COG7: variants seen among roughly 807,000 people sequenced by gnomAD.
COG7 encodes the protein conserved oligomeric Golgi complex subunit 7.
A neutral mutation model predicts 91.5 loss-of-function variants in COG7; 49 were observed. That is an observed-to-expected ratio of 0.54 (90% CI 0.43 to 0.68). The LOEUF is 0.68. Among genes scored for constraint, COG7 ranks in the 30% least tolerant of loss-of-function variants. The probability of loss-of-function intolerance (pLI) is 0.00; values close to 1 mark genes in which losing one functional copy is unlikely to be tolerated. For missense variants in COG7, 895 were observed against 961.3 expected, an observed-to-expected ratio of 0.93 and a Z score of 0.91; for synonymous variants, 365 against 388.7, an observed-to-expected ratio of 0.94 and a Z score of 0.72.
chr16:23,424,634 TCCCTTCCA>T, intron 7 of COG7, 107 bp downstream of exon 7: 1 of 1,080,270 alleles, frequency 9.3e-7, no homozygotes, highest in Non-Finnish European at 1.4e-6. Flanking sequence ...AAAACACCGA[TCCCTTCCA>T]TTTCTGTAAA....
intron 1 of COG7, chr16:23,446,684 T>A (rs1454545254): frequency 6.6e-6 from 1 of 152,394 alleles, no homozygotes; most frequent in African/African-American, 2.4e-5. Flanking sequence ...ACCCCTGACC[T>A]CAGGTGATCC....
intron 4 of COG7, 102 bp downstream of exon 4, chr16:23,442,375 A>T: frequency 9.4e-7 from 1 of 1,062,286 alleles, no homozygotes. Flanking sequence ...CTTCTAATCT[A>T]TGTAATTCAA....
intron 16 of COG7, among the ~76,000 whole-genome samples, chr16:23,389,374 C>T (rs981276841): frequency 3.3e-5 from 5 of 152,018 alleles, no homozygotes; most frequent in South Asian, 4.2e-4. Context: ...TGCACACACA[C>T]GCACACACAC....
chr16:23,431,476 G>C (rs1160336509), intron 6 of COG7, among the ~76,000 whole-genome samples: 1 of 152,184 alleles, frequency 6.6e-6, no homozygotes, highest in Non-Finnish European at 1.5e-5. Context: ...TTTTATCCTT[G>C]TGATACAAGA....
chr16:23,425,073 G>A (rs1484225662), intron 6 of COG7, 126 bp from the exon 7 acceptor site: 4 of 786,490 alleles, frequency 5.1e-6, no homozygotes, highest in South Asian at 3.2e-5. Flanking sequence ...ACCTTGGGAG[G>A]CCAAGGAAGG....
intron 13 of COG7, 99 bp downstream of exon 13, chr16:23,403,595 C>T (rs980037149): frequency 6.7e-7 from 1 of 1,489,606 alleles, no homozygotes; most frequent in Non-Finnish European, 9.3e-7. Flanking sequence ...GCGGGATCTT[C>T]CCAAAGCTCT....
Position 23,403,790 on chromosome 16 carries a change from T to G in COG7, c.1707A>C (p.Ala569=). 1 of 1,614,244 alleles carries G rather than the reference T, an allele frequency of 6.2e-7. No homozygotes were observed. The highest frequency in any genetic ancestry group is 8.5e-7 in the Non-Finnish European group (1 of 1,180,042). ...SNHNLLAAPR[A]ALTRLNQQAH... The stretch of plus-strand genomic sequence containing the variant: ...CCTGCTGGTTAAGCCGAGTCAGCGC[T>G]GCTCGAGGTGCAGCCAGCAGGTTGT... Residue 569 remains alanine, a synonymous_variant, in exon 13 of 17, where the codon GCA becomes GCC. Transcript: ENST00000307149.
chr16:23,427,085 C>T (rs1963860961), intron 6 of COG7, among the ~76,000 whole-genome samples: 2 of 152,034 alleles, frequency 1.3e-5, no homozygotes, highest in South Asian at 2.1e-4. Context: ...CCTGTCTCTA[C>T]AAAAAATGTT....
At chr16:23,393,642 G>A in intron 14 of COG7, 1 of 414,912 alleles carries the variant, frequency 2.4e-6, no homozygotes, top group Non-Finnish European at 4.5e-6. Flanking sequence ...AAAATGCTTT[G>A]TAAAATTTGA....
chr16:23,392,077 A>G, intron 16 of COG7: 1 of 1,295,742 alleles, frequency 7.7e-7, no homozygotes, highest in Non-Finnish European at 9.9e-7. Context: ...TTATGGCACA[A>G]ATGGAGCGGG....
Position 23,413,526 on chromosome 16 carries a change from C to T in COG7, c.1331G>A (p.Arg444Gln), listed in dbSNP as rs781527664. Reference protein sequence around the residue: ...SDFTSTLQSIRKKCKLDHIPP... With the variant: ...SDFTSTLQSIQKKCKLDHIPP... ...AATGTGGTCCAGTTTGCACTTCTTTCGTATGGACTGGAGAGTGCTGGTGAA... is the reference window on the plus strand; with the variant it reads ...AATGTGGTCCAGTTTGCACTTCTTTTGTATGGACTGGAGAGTGCTGGTGAA... Residue 444 changes from arginine (R) to glutamine (Q), a missense_variant, in exon 10 of 17, where the codon CGA becomes CAA. Arg to Gln is a conservative substitution (Grantham distance 43, BLOSUM62 1). Coordinates refer to ENST00000307149, the MANE Select transcript of COG7 (RefSeq NM_153603.4). 3.0e-5 allele frequency: 48 copies of T among 1,611,872 alleles called. No homozygotes were observed. Among genetic ancestry groups the T allele is most frequent in the Non-Finnish European group, 3.9e-5 (46 of 1,178,002 alleles).
intron 16 of COG7, 23 bp from the exon 17 acceptor site, chr16:23,389,109 G>C (rs769932461): frequency 1.2e-6 from 2 of 1,612,016 alleles, no homozygotes; most frequent in Non-Finnish European, 1.7e-6. Flanking sequence ...AGAGGAGACA[G>C]ACAGAGCTCC....
intron 13 of COG7, 152 bp downstream of exon 13, chr16:23,403,542 G>A: frequency 1.2e-6 from 1 of 858,510 alleles, no homozygotes; most frequent in Non-Finnish European, 1.9e-6. Flanking sequence ...TAAGCAATGA[G>A]GTGAAATTGG....
At chr16:23,426,435 C>T (rs572750875) in intron 6 of COG7, among the ~76,000 whole-genome samples, 1 of 152,078 alleles carries the variant, frequency 6.6e-6, no homozygotes, top group South Asian at 2.1e-4. Flanking sequence ...GCCCTGTAAT[C>T]CCAGCACCTG....
At chr16:23,449,380 T>TTAAAA (rs373494185) in intron 1 of COG7, among the ~76,000 whole-genome samples, 16,480 of 134,526 alleles carry the variant, frequency 0.12, 1,108 homozygotes, top group African/African-American at 0.16. Flanking sequence ...TAAAATTAAA[T>TTAAAA]TAAAATAAAA....
At chr16:23,427,474 A>T (rs943719331) in intron 6 of COG7, among the ~76,000 whole-genome samples, 2 of 148,798 alleles carry the variant, frequency 1.3e-5, no homozygotes, top group East Asian at 3.9e-4. Flanking sequence ...ACTCTGTCTC[A>T]AAAGAAAAAA....
intron 4 of COG7, among the ~76,000 whole-genome samples, chr16:23,441,553 G>A (rs1384279169): frequency 6.6e-6 from 1 of 152,090 alleles, no homozygotes; most frequent in Non-Finnish European, 1.5e-5. Flanking sequence ...CCAGCATGGG[G>A]AACACAGCGA....
At chr16:23,432,182 A>T (rs1349867854) in intron 6 of COG7, among the ~76,000 whole-genome samples, 1 of 152,104 alleles carries the variant, frequency 6.6e-6, no homozygotes, top group African/African-American at 2.4e-5. Flanking sequence ...CTAAGAATGA[A>T]TTAGGTTAGT....
At chr16:23,433,254 C>A (rs1373120716) in intron 6 of COG7, among the ~76,000 whole-genome samples, 3 of 152,092 alleles carry the variant, frequency 2.0e-5, no homozygotes, top group African/African-American at 7.2e-5. Flanking sequence ...CCACACCTGG[C>A]TAACTTTTGC....
Sources: gnomAD v4.1 joint callset for allele counts (sites outside exome capture counted in the v4.1 genomes callset) on GRCh38, gnomAD v4.1.1 for gene constraint, MANE v1.5 for transcripts, NCBI Gene and HGNC (gene_info 2026-07-23, HGNC 2026-07-21) for gene names.